PDE11A: variants seen among roughly 807,000 people sequenced by gnomAD.
The protein encoded by PDE11A is dual 3',5'-cyclic-AMP and -GMP phosphodiesterase 11A.
In PDE11A, 100 loss-of-function variants were observed where a neutral mutation model predicts 100.5. The ratio of observed to expected loss-of-function variants is 1.00; its 90% CI spans 0.85 to 1.18. The LOEUF is 1.18. PDE11A is among the 50% of genes most tolerant of loss of function. The probability of loss-of-function intolerance (pLI) is 0.00; values close to 1 mark genes in which losing one functional copy is unlikely to be tolerated. For synonymous variants in PDE11A, 381 were observed against 420.8 expected (o/e 0.91, Z 1.16); for missense variants, 1,141 against 1,152.6 (o/e 0.99, Z 0.15).
intron 9 of PDE11A, among the ~76,000 whole-genome samples, chr2:177,782,364 G>A (rs1401417649): frequency 6.6e-6 from 1 of 152,238 alleles, no homozygotes; most frequent in South Asian, 2.1e-4. Flanking sequence ...CCAAAAAGTG[G>A]TTAAAAAGCA....
chr2:177,786,366 T>C (rs1022107567), intron 9 of PDE11A, among the ~76,000 whole-genome samples: 1 of 151,880 alleles, frequency 6.6e-6, no homozygotes, highest in Admixed American at 6.6e-5. Flanking sequence ...AGAAAGGACA[T>C]CCACACCAAA....
At chr2:177,689,088 G>GT (rs1202276610) in intron 15 of PDE11A, among the ~76,000 whole-genome samples, 6 of 152,006 alleles carry the variant, frequency 3.9e-5, no homozygotes, top group Non-Finnish European at 5.9e-5. Flanking sequence ...CTTTCTTTTT[G>GT]TTTTTTTATT....
chr2:178,104,391 T>C, exon 2 of PDE11A: 1 of 1,614,128 alleles, frequency 6.2e-7, no homozygotes, highest in Non-Finnish European at 8.5e-7. Context: ...ACCAGTCTTG[T>C]GATTTTCACC....
chr2:177,690,563 T>C (rs775055108), intron 15 of PDE11A, among the ~76,000 whole-genome samples: 15 of 152,344 alleles, frequency 9.8e-5, no homozygotes, highest in Middle Eastern at 3.4e-3. Flanking sequence ...AACTATCACA[T>C]TGAACAATTT....
intron 9 of PDE11A, among the ~76,000 whole-genome samples, chr2:177,797,662 C>A (rs1293241390): frequency 6.6e-6 from 1 of 152,146 alleles, no homozygotes; most frequent in East Asian, 1.9e-4. Flanking sequence ...TTAAGTTACT[C>A]CAAATGTTCT....
chr2:177,765,164 A>C (rs1170249717), intron 10 of PDE11A, among the ~76,000 whole-genome samples: 1 of 152,228 alleles, frequency 6.6e-6, no homozygotes, highest in Non-Finnish European at 1.5e-5. Flanking sequence ...TTATCAGAAC[A>C]AAACAGAACA....
At chr2:177,673,673 G>A (rs1477457895) in intron 17 of PDE11A, among the ~76,000 whole-genome samples, 1 of 152,168 alleles carries the variant, frequency 6.6e-6, no homozygotes, top group Non-Finnish European at 1.5e-5. Flanking sequence ...GTCTTTCTTG[G>A]AGGAAGGATG....
intron 1 of PDE11A, among the ~76,000 whole-genome samples, chr2:178,053,299 C>T (rs575221546): frequency 2.6e-5 from 4 of 151,960 alleles, no homozygotes; most frequent in African/African-American, 2.4e-5. Flanking sequence ...AAAAGGCCTT[C>T]GAAAAATTCA....
intron 9 of PDE11A, among the ~76,000 whole-genome samples, chr2:177,798,257 T>C (rs1194301318): frequency 6.6e-6 from 1 of 152,200 alleles, no homozygotes; most frequent in Non-Finnish European, 1.5e-5. Flanking sequence ...TCCTCTATGC[T>C]TCCCCTAACA....
At chr2:177,876,739 G>C (rs1232288312) in intron 4 of PDE11A, among the ~76,000 whole-genome samples, 1 of 148,250 alleles carries the variant, frequency 6.7e-6, no homozygotes, top group Non-Finnish European at 1.5e-5. Flanking sequence ...CAACTGGCAT[G>C]AAAGGAATTC....
chr2:177,712,101 T>C (rs1347773555), intron 12 of PDE11A, among the ~76,000 whole-genome samples: 1 of 152,230 alleles, frequency 6.6e-6, no homozygotes, highest in Non-Finnish European at 1.5e-5. Flanking sequence ...GCTGCCACAC[T>C]GGGACATAGT....
intron 2 of PDE11A, among the ~76,000 whole-genome samples, chr2:177,924,366 G>A (rs1320844458): frequency 6.6e-6 from 1 of 152,180 alleles, no homozygotes; most frequent in Non-Finnish European, 1.5e-5. Context: ...CAAAAGCAAT[G>A]ATGCCTGTTT....
chr2:178,104,524 A>T (rs1014439493), intron 1 of PDE11A: 1 of 1,497,518 alleles, frequency 6.7e-7, no homozygotes, highest in Admixed American at 1.7e-5. Flanking sequence ...TATATATTAG[A>T]TTTTCAAAGC....
At chr2:177,955,082 C>G (rs2085545900) in intron 2 of PDE11A, among the ~76,000 whole-genome samples, 1 of 152,108 alleles carries the variant, frequency 6.6e-6, no homozygotes, top group Non-Finnish European at 1.5e-5. Context: ...GATCAATTCT[C>G]TAGTCAATTT....
chr2:178,102,182 A>G (rs1293726042), intron 2 of PDE11A, among the ~76,000 whole-genome samples: 1 of 151,628 alleles, frequency 6.6e-6, no homozygotes, highest in Admixed American at 6.6e-5. Context: ...GCTGGAGTGC[A>G]GTGGCATGAT....
chr2:177,671,982 T>C (rs1175039527), intron 17 of PDE11A, among the ~76,000 whole-genome samples: 3 of 152,176 alleles, frequency 2.0e-5, no homozygotes, highest in African/African-American at 7.2e-5. Context: ...TGCTCTTCTC[T>C]AGTTTTCTCT....
At chr2:177,662,510 C>G (rs1277849822) in intron 19 of PDE11A, among the ~76,000 whole-genome samples, 2 of 152,180 alleles carry the variant, frequency 1.3e-5, no homozygotes, top group Non-Finnish European at 2.9e-5. Flanking sequence ...CAAGATACAC[C>G]TGACCCAAAA....
At chr2:177,727,851 C>A in intron 11 of PDE11A, 86 bp from the exon 12 acceptor site, 1 of 996,772 alleles carries the variant, frequency 1.0e-6, no homozygotes, top group South Asian at 1.3e-5. Context: ...ATCTGAGTAA[C>A]CCTCAGTGAT....
intron 9 of PDE11A, among the ~76,000 whole-genome samples, chr2:177,777,764 A>G (rs2082398301): frequency 6.6e-6 from 1 of 152,230 alleles, no homozygotes; most frequent in Admixed American, 6.5e-5. Context: ...TATAACGTAC[A>G]TATCAGTTAA....
Sources: allele counts gnomAD v4.1 joint callset (sites outside exome capture counted in the v4.1 genomes callset), GRCh38; gene constraint gnomAD v4.1.1; transcripts MANE v1.5; gene names NCBI Gene and HGNC (gene_info 2026-07-23, HGNC 2026-07-21).